RIMS1: variants seen among roughly 807,000 people sequenced by gnomAD.
RIMS1 encodes the protein regulating synaptic membrane exocytosis protein 1.
RIMS1 carries 83 observed loss-of-function variants against 214.1 expected under a neutral mutation model. That is an observed-to-expected ratio of 0.39 (90% confidence interval 0.32 to 0.47). The LOEUF (loss-of-function observed/expected upper bound fraction) is 0.47, where lower values mean the gene tolerates loss of function less well. Ranked by LOEUF, RIMS1 falls within the 20% of genes least tolerant of loss-of-function variation. The pLI, the probability that RIMS1 is intolerant of heterozygous loss-of-function variation, is 0.99. For missense variants in RIMS1, 2,050 were observed against 2,161.8 expected (o/e 0.95, Z 1.03); for synonymous variants, 793 against 786.8 (o/e 1.01, Z -0.13).
intron 2 of RIMS1, among the ~76,000 whole-genome samples, chr6:71,969,530 T>TG (rs1795298786): frequency 6.6e-6 from 1 of 152,190 alleles, no homozygotes. Context: ...GATTGTCGGC[T>TG]GGGCACGGTG....
rs574489906 is a variant in RIMS1 at position 72,070,915 on chromosome 6, T to A, written c.246-26034T>A. On this transcript the variant is annotated intron_variant, in intron 2 of 33. Coordinates refer to ENST00000521978, the MANE Select transcript of RIMS1 (RefSeq NM_014989.7). ...CTGTTTTTGTATAGCCTGTGAGGTATGAATGACTTCTACATTTTTAAATGG... is the reference window on the plus strand; with the variant it reads ...CTGTTTTTGTATAGCCTGTGAGGTAAGAATGACTTCTACATTTTTAAATGG... 5.9e-5 allele frequency among the ~76,000 whole-genome samples: 9 copies of A among 152,314 alleles called. No individual in the cohort carries two copies. In the East Asian group the frequency reaches 9.6e-4, roughly 16 times the overall value.
At chr6:71,919,998 G>T (rs1304668197) in intron 1 of RIMS1, among the ~76,000 whole-genome samples, 4 of 151,982 alleles carry the variant, frequency 2.6e-5, no homozygotes, top group African/African-American at 4.8e-5. Context: ...TTGCCACCAG[G>T]GGAAGAAACA....
At chr6:71,920,003 G>T (rs1356146051) in intron 1 of RIMS1, among the ~76,000 whole-genome samples, 2 of 152,080 alleles carry the variant, frequency 1.3e-5, no homozygotes, top group East Asian at 3.9e-4. Flanking sequence ...ACCAGGGGAA[G>T]AAACAGACAA....
intron 1 of RIMS1, among the ~76,000 whole-genome samples, chr6:71,945,811 A>C (rs111783339): frequency 6.7e-6 from 1 of 149,904 alleles, no homozygotes; most frequent in East Asian, 2.0e-4. Context: ...GTGCAGTGGC[A>C]TGATCTCAAC....
In RIMS1 at chr6:71,886,742, G is replaced by T. The variant is rs1259950232; in HGVS notation, c.-282G>T. ...CTCCGCCTGCCCGCCCCCGCCGGCC[G>T]AGGCTGGGCTGCGGGAGGCGGCCGG... On this transcript the variant is annotated 5_prime_UTR_variant, in exon 1 of 34. Transcript: ENST00000521978. 2.1e-5 allele frequency: 5 copies of T among 235,498 alleles called. No individual in the cohort carries two copies. The highest frequency in any genetic ancestry group is 8.2e-5 in the East Asian group (1 of 12,180). 14.6% of individuals were successfully genotyped at this position (235,498 alleles called of 1,614,324 possible). A position where few individuals can be genotyped will look rare whatever the true frequency, so the allele number is the denominator to read the frequency against.
intron 2 of RIMS1, among the ~76,000 whole-genome samples, chr6:72,028,457 A>G (rs1817169055): frequency 6.6e-6 from 1 of 152,158 alleles, no homozygotes; most frequent in Admixed American, 6.6e-5. Context: ...TTTCATATAT[A>G]ATTTGGAAAT....
At chr6:71,954,060 T>G (rs1790447570) in intron 1 of RIMS1, among the ~76,000 whole-genome samples, 1 of 152,172 alleles carries the variant, frequency 6.6e-6, no homozygotes, top group Non-Finnish European at 1.5e-5. Flanking sequence ...TTTTTTTGCC[T>G]TTTTAGGTAT....
chr6:71,943,404 C>T (rs1242928640), intron 1 of RIMS1, among the ~76,000 whole-genome samples: 2 of 152,022 alleles, frequency 1.3e-5, no homozygotes, highest in Non-Finnish European at 2.9e-5. Flanking sequence ...ACACTTTTTG[C>T]CCAAAGACTC....
rs1048413269 is a variant in RIMS1 at position 72,059,808 on chromosome 6, A to G, written c.246-37141A>G. Among the ~76,000 whole-genome samples, 15 of 152,342 alleles carry G rather than the reference A, an allele frequency of 9.8e-5. No homozygotes were observed. In the South Asian group the frequency reaches 1.0e-3, roughly 11 times the overall value. Reference sequence around the variant, plus strand: ...AAATGTGAATTATTTTAAATTTATGAATTAGAAAATTTCACATCAAAATCT... The same window carrying G: ...AAATGTGAATTATTTTAAATTTATGGATTAGAAAATTTCACATCAAAATCT... On this transcript the variant is annotated intron_variant, in intron 2 of 33. Coordinates refer to ENST00000521978, the MANE Select transcript of RIMS1 (RefSeq NM_014989.7).
At chr6:72,069,265 C>T (rs977428832) in intron 2 of RIMS1, among the ~76,000 whole-genome samples, 2 of 152,140 alleles carry the variant, frequency 1.3e-5, no homozygotes, top group African/African-American at 2.4e-5. Context: ...CTGCTGTTAA[C>T]GCTGCTATAG....
At chr6:71,965,627 G>A (rs934448424) in intron 1 of RIMS1, among the ~76,000 whole-genome samples, 1 of 152,160 alleles carries the variant, frequency 6.6e-6, no homozygotes, top group East Asian at 1.9e-4. Flanking sequence ...GAGTCAGGAG[G>A]AGCATTCCCC....
intron 4 of RIMS1, among the ~76,000 whole-genome samples, chr6:72,100,975 T>A (rs2033420260): frequency 6.6e-6 from 1 of 151,998 alleles, no homozygotes; most frequent in Non-Finnish European, 1.5e-5. Context: ...TTTATTTTTG[T>A]CTGTACCATT....
chr6:71,946,577 A>G (rs967785123), intron 1 of RIMS1, among the ~76,000 whole-genome samples: 2 of 152,184 alleles, frequency 1.3e-5, no homozygotes, highest in Non-Finnish European at 2.9e-5. Context: ...CTAGATATCC[A>G]CTTGAAGAAG....
chr6:72,152,838 G>A (rs190943161), intron 4 of RIMS1, among the ~76,000 whole-genome samples: 2,495 of 20,764 alleles, frequency 0.12, 382 homozygotes, highest in Non-Finnish European at 0.14. Flanking sequence ...GTATATATAT[G>A]TATATATGGA....
chr6:72,075,141 G>T (rs1312114579), intron 2 of RIMS1, among the ~76,000 whole-genome samples: 1 of 152,018 alleles, frequency 6.6e-6, no homozygotes, highest in African/African-American at 2.4e-5. Context: ...GAGTGCAGTG[G>T]TGCAATCACA....
chr6:72,258,378 G>C (rs556971564), intron 17 of RIMS1, 97 bp downstream of exon 17: 1 of 1,235,332 alleles, frequency 8.1e-7, no homozygotes, highest in African/African-American at 1.5e-5. Context: ...AAAATAGTTT[G>C]GTCAAATTAT....
chr6:72,351,550 T>C (rs1486741315), intron 29 of RIMS1, among the ~76,000 whole-genome samples: 3 of 152,122 alleles, frequency 2.0e-5, no homozygotes, highest in South Asian at 4.1e-4. Context: ...ACCCTGACAA[T>C]TGGCTGGATT....
chr6:72,013,742 A>G (rs1811703367), intron 2 of RIMS1, among the ~76,000 whole-genome samples: 1 of 152,212 alleles, frequency 6.6e-6, no homozygotes, highest in African/African-American at 2.4e-5. Context: ...TAATCTACAT[A>G]CTATAAAATT....
chr6:72,260,908 A>G (rs2077688062), intron 19 of RIMS1, 141 bp downstream of exon 19: 5 of 1,505,904 alleles, frequency 3.3e-6, no homozygotes, highest in Non-Finnish European at 3.6e-6. Context: ...TTTGTTTTAT[A>G]TTGAGGTTAT....
Sources: gnomAD v4.1 joint callset for allele counts (sites outside exome capture counted in the v4.1 genomes callset) on GRCh38, gnomAD v4.1.1 for gene constraint, MANE v1.5 for transcripts, NCBI Gene and HGNC (gene_info 2026-07-23, HGNC 2026-07-21) for gene names.